Variants in BMP3 observed in about 807,000 individuals in gnomAD.
BMP3 encodes the protein bone morphogenetic protein 3 (osteogenic).
Under a neutral mutation model 38.1 loss-of-function variants are expected in BMP3, and 23 were observed. That is an observed-to-expected ratio of 0.60 (90% CI 0.43 to 0.86). The LOEUF is 0.86. BMP3 is among the 40% of genes least tolerant of loss of function. The probability of loss-of-function intolerance (pLI) is 0.00; values close to 1 mark genes in which losing one functional copy is unlikely to be tolerated. For synonymous variants in BMP3, 258 were observed against 225.7 expected (o/e 1.14, Z -1.28); for missense variants, 628 against 579.6 (o/e 1.08, Z -0.86).
At chr4:81,035,116 A>G (rs1739887443) in intron 1 of BMP3, among the ~76,000 whole-genome samples, 2 of 151,202 alleles carry the variant, frequency 1.3e-5, no homozygotes, top group South Asian at 4.1e-4. Flanking sequence ...TTTGAATTAC[A>G]CACTACTCTG....
chr4:81,047,549 C>CAAAAAAAAAA (rs3042536), intron 2 of BMP3, among the ~76,000 whole-genome samples: 1 of 147,196 alleles, frequency 6.8e-6, no homozygotes, highest in Non-Finnish European at 1.5e-5. Flanking sequence ...TCTGTTATAC[C>CAAAAAAAAAA]AAAAAAAAAA....
chr4:81,037,367 T>C (rs1739949580), intron 1 of BMP3: 1 of 267,444 alleles, frequency 3.7e-6, no homozygotes. Flanking sequence ...GAAAAGATTA[T>C]TAGTGTTTTG....
Position 81,054,215 on chromosome 4 carries a change from C to G in BMP3, c.*679C>G, listed in dbSNP as rs1023036043. On this transcript the variant is annotated 3_prime_UTR_variant, in exon 3 of 3. Transcript: ENST00000282701. Reference sequence around the variant, plus strand: ...TTTTAATTTTGTATTTTGGCAAACACCATTCAGTTATAAGAACTTTGCCAA... The same window carrying G: ...TTTTAATTTTGTATTTTGGCAAACAGCATTCAGTTATAAGAACTTTGCCAA... 6.6e-6 allele frequency: 1 copy of G among 152,384 alleles called. No homozygotes were observed. Among genetic ancestry groups the G allele is most frequent in the Non-Finnish European group, 1.5e-5 (1 of 67,996 alleles). 9.4% of individuals were successfully genotyped at this position (152,384 alleles called of 1,614,324 possible).
chr4:81,037,319 G>T, intron 1 of BMP3: 1 of 191,200 alleles, frequency 5.2e-6, no homozygotes, highest in East Asian at 1.4e-4. Flanking sequence ...AAGGGTAATT[G>T]CTGTACTTGG....
At chr4:81,031,625 T>C (rs1398244898) in intron 1 of BMP3, 25 bp downstream of exon 1, 2 of 1,539,806 alleles carry the variant, frequency 1.3e-6, no homozygotes, top group Admixed American at 1.9e-5. Context: ...TGAGACTCCC[T>C]TCCCGCGGTC....
Position 81,053,653 on chromosome 4 carries a change from A to G in BMP3, c.*117A>G, listed in dbSNP as rs939129699. The stretch of plus-strand genomic sequence containing the variant: ...CCAATGCATTTTGTTTCAAAAGATT[A>G]TTTCTATAGTCAGAGGGGAATGAGC... On this transcript the variant is annotated 3_prime_UTR_variant, in exon 3 of 3. Coordinates refer to ENST00000282701, the MANE Select transcript of BMP3 (RefSeq NM_001201.5). The G allele has an allele frequency of 1.9e-5, 10 of 533,678 alleles. No homozygotes were observed. Among genetic ancestry groups the G allele is most frequent in the Non-Finnish European group, 2.1e-5 (8 of 377,764 alleles). 33.1% of individuals were successfully genotyped at this position (533,678 alleles called of 1,614,324 possible).
chr4:81,047,305 C>T (rs566135725), intron 2 of BMP3, among the ~76,000 whole-genome samples: 7 of 152,270 alleles, frequency 4.6e-5, no homozygotes, highest in Admixed American at 1.3e-4. Flanking sequence ...CCTGTATCTC[C>T]TCGAAAATCC....
At position 81,056,266 on chromosome 4, in the gene BMP3, A is replaced by G. The variant is rs1177980811; in HGVS notation, c.*2730A>G. ...TAATACTCTCTCTCTCTCTTCCCCC[A>G]CAAGTAATCTCTCTACCCCATGCAG... On this transcript the variant is annotated 3_prime_UTR_variant, in exon 3 of 3. Coordinates refer to ENST00000282701, the MANE Select transcript of BMP3 (RefSeq NM_001201.5). 2 of 152,032 alleles carry G rather than the reference A, an allele frequency of 1.3e-5. No homozygotes were observed. Among genetic ancestry groups the G allele is most frequent in the South Asian group, 2.1e-4 (1 of 4,816 alleles). 9.4% of individuals were successfully genotyped at this position (152,032 alleles called of 1,614,324 possible).
intron 1 of BMP3, among the ~76,000 whole-genome samples, chr4:81,045,446 A>T (rs1740203465): frequency 6.6e-6 from 1 of 152,058 alleles, no homozygotes; most frequent in Admixed American, 6.6e-5. Context: ...GATATACAAA[A>T]GTTTTTAATT....
At position 81,046,799 on chromosome 4, in the gene BMP3, C is replaced by G. The variant is rs1046410326; in HGVS notation, c.1227+151C>G. 1.1e-5 allele frequency: 9 copies of G among 829,680 alleles called. No homozygotes were observed. The African/African-American group carries it at 1.2e-4, about 11-fold the overall frequency. The allele number at this position is 829,680 out of a possible 1,614,324, so 51.4% of individuals were successfully genotyped here. A position where few individuals can be genotyped will look rare whatever the true frequency, so the allele number is the denominator to read the frequency against. Reference sequence around the variant, plus strand: ...GGACCCTTATTTACTACATTCTAAACCATAATAGGTAATATGGTTATTCTT... The same window carrying G: ...GGACCCTTATTTACTACATTCTAAAGCATAATAGGTAATATGGTTATTCTT... On this transcript the variant is annotated intron_variant, in intron 2 of 2. Transcript: ENST00000282701.
At chr4:81,038,824 G>A (rs1442017489) in intron 1 of BMP3, among the ~76,000 whole-genome samples, 1 of 152,180 alleles carries the variant, frequency 6.6e-6, no homozygotes, top group African/African-American at 2.4e-5. Context: ...GCTGTGTGAA[G>A]TACTAGGAAT....
chr4:81,034,303 A>G (rs77848387), intron 1 of BMP3, among the ~76,000 whole-genome samples: 3,475 of 152,294 alleles, frequency 0.023, 112 homozygotes, highest in East Asian at 0.14. Flanking sequence ...TTCCCTTTGC[A>G]AAAGGTAATT....
chr4:81,038,889 C>G (rs1396655801), intron 1 of BMP3, among the ~76,000 whole-genome samples: 1 of 152,152 alleles, frequency 6.6e-6, no homozygotes, highest in Non-Finnish European at 1.5e-5. Flanking sequence ...TCTAGGAATG[C>G]CTTTGGGCAG....
chr4:81,053,719 T>C lies in BMP3; in HGVS notation c.*183T>C, dbSNP rs190102711. 1 of 405,168 alleles carries C rather than the reference T, an allele frequency of 2.5e-6. No homozygotes were observed. Among genetic ancestry groups the C allele is most frequent in the African/African-American group, 2.1e-5 (1 of 48,464 alleles). 25.1% of individuals were successfully genotyped at this position (405,168 alleles called of 1,614,324 possible). A position where few individuals can be genotyped will look rare whatever the true frequency, so the allele number is the denominator to read the frequency against. On this transcript the variant is annotated 3_prime_UTR_variant, in exon 3 of 3. Transcript: ENST00000282701. ...TGCCACCAAGGAAAAGAACTGTATT[T>C]GTTTCTGAATGTAACTTAAAGCAAG...
At chr4:81,046,781 T>A in intron 2 of BMP3, 133 bp downstream of exon 2, 1 of 959,676 alleles carries the variant, frequency 1.0e-6, no homozygotes, top group Non-Finnish European at 1.6e-6. Flanking sequence ...TTGGGACCCT[T>A]ATTTACTACA....
intron 1 of BMP3, among the ~76,000 whole-genome samples, chr4:81,041,556 A>C (rs529970039): frequency 2.7e-4 from 41 of 152,334 alleles, no homozygotes; most frequent in African/African-American, 9.9e-4. Context: ...AGTGTTGGGC[A>C]TAACATAATG....
chr4:81,042,338 G>A (rs1441049361), intron 1 of BMP3, among the ~76,000 whole-genome samples: 1 of 152,112 alleles, frequency 6.6e-6, no homozygotes, highest in Non-Finnish European at 1.5e-5. Context: ...CTTTCTGTGT[G>A]CTTTATGTGC....
At position 81,031,449 on chromosome 4, in the gene BMP3, G is replaced by A. The variant is rs541377183; in HGVS notation, c.165G>A (p.Lys55=). 1.9e-6 allele frequency: 3 copies of A among 1,613,568 alleles called. No individual in the cohort carries two copies. Among genetic ancestry groups the A allele is most frequent in the Non-Finnish European group, 2.5e-6 (3 of 1,179,812 alleles). ...ACTCCGAGCTGCAGCCGCAAGACAA[G>A]GTCTCTGAACACATGCTGCGGCTCT... The part of the protein sequence containing the change: ...GPDSELQPQD[K]VSEHMLRLYD... Residue 55 remains lysine, a synonymous_variant, in exon 1 of 3, where the codon AAG becomes AAA. Coordinates refer to ENST00000282701, the MANE Select transcript of BMP3 (RefSeq NM_001201.5).
intron 1 of BMP3, among the ~76,000 whole-genome samples, chr4:81,040,823 TA>T (rs1312372611): frequency 1.3e-5 from 2 of 152,188 alleles, no homozygotes; most frequent in African/African-American, 4.8e-5. Flanking sequence ...ATCCACAGCC[TA>T]AAAACGCATA....
Sources: allele counts gnomAD v4.1 joint callset (sites outside exome capture counted in the v4.1 genomes callset), GRCh38; gene constraint gnomAD v4.1.1; transcripts MANE v1.5; gene names NCBI Gene and HGNC (gene_info 2026-07-23, HGNC 2026-07-21).